EIF3F: variants seen among roughly 807,000 people sequenced by gnomAD.
The protein encoded by EIF3F is deubiquitinating enzyme eIF3f.
EIF3F carries 8 observed loss-of-function variants against 36.0 expected under a neutral mutation model. That is an observed-to-expected ratio of 0.22 (90% confidence interval 0.13 to 0.40). The LOEUF is 0.40. Ranked by LOEUF, EIF3F falls within the 10% of genes least tolerant of loss-of-function variation. EIF3F has a pLI of 1.00. For synonymous variants in EIF3F, 184 were observed against 188.5 expected (o/e 0.98, Z 0.19); for missense variants, 430 against 467.6 (o/e 0.92, Z 0.74).
intron 5 of EIF3F, 176 bp from the exon 6 acceptor site, chr11:7,994,806 G>A: frequency 1.1e-6 from 1 of 935,680 alleles, no homozygotes; most frequent in Non-Finnish European, 1.6e-6. Context: ...TCTATTAGGA[G>A]GAAGAAAAGC....
intron 7 of EIF3F, 167 bp downstream of exon 7, chr11:7,995,534 T>C (rs1942150728): frequency 6.1e-6 from 4 of 652,896 alleles, no homozygotes; most frequent in Middle Eastern, 2.6e-4. Context: ...AGGTGTGTTA[T>C]GCGTGGTTGG....
intron 7 of EIF3F, 77 bp from the exon 8 acceptor site, chr11:7,995,868 A>AT: frequency 1.7e-6 from 2 of 1,188,532 alleles, no homozygotes; most frequent in Non-Finnish European, 2.5e-6. Context: ...AGTGTCTACC[A>AT]TAGAGCTGGC....
intron 4 of EIF3F, among the ~76,000 whole-genome samples, chr11:7,993,249 T>A (rs1459208364): frequency 2.0e-5 from 3 of 152,220 alleles, no homozygotes; most frequent in African/African-American, 7.2e-5. Flanking sequence ...CATTGCCCTT[T>A]TAAGTATTTG....
Position 7,987,606 on chromosome 11 carries a change from C to A in EIF3F, c.254C>A (p.Pro85His). 1 of 1,587,180 alleles carries A rather than the reference C, an allele frequency of 6.3e-7. No individual in the cohort carries two copies. The highest frequency in any genetic ancestry group is 2.3e-5 in the East Asian group (1 of 43,964). ...PALPGPALPG[P>H]FPGGRVVRLH... is the part of the protein sequence containing the mutation. Reference sequence around the variant, plus strand: ...CTGCCTGGTCCTGCTCTTCCAGGGCCCTTCCCCGGCGGCCGCGTGGTCAGG... The same window carrying A: ...CTGCCTGGTCCTGCTCTTCCAGGGCACTTCCCCGGCGGCCGCGTGGTCAGG... The change falls in exon 1 of 8, where the codon CCC becomes CAC. Residue 85 changes from proline (P) to histidine (H), a missense_variant. Physicochemically the swap from Pro to His is moderately conservative, Grantham distance 77. Transcript: ENST00000651655.
rs775771292 is a variant in EIF3F, at chr11:7,996,272, GTGTT to G, written c.*253_*256del. 14 of 392,978 alleles carry G rather than the reference GTGTT, an allele frequency of 3.6e-5. No individual in the cohort carries two copies. Among genetic ancestry groups the G allele is most frequent in the Non-Finnish European group, 6.4e-5 (14 of 217,908 alleles). 24.3% of individuals were successfully genotyped at this position (392,978 alleles called of 1,614,324 possible). On this transcript the variant is annotated 3_prime_UTR_variant, in exon 8 of 8. Transcript: ENST00000651655. ...TATTGTAGGTAGAGAAGTTGGTTAT[GTGTT>G]TGGCATGTTACTGTTTTACCAAACT...
chr11:7,995,305 G>T lies in EIF3F; in HGVS notation c.934G>T (p.Val312Phe). The part of the protein sequence containing the change: ...NTVGRFLMSL[V>F]NQVPKIVPDD... ...TGTGGGCCGCTTCCTGATGAGCCTGGTTAACCAAGTACCGAAAATAGTTCC... is the reference window on the plus strand; with the variant it reads ...TGTGGGCCGCTTCCTGATGAGCCTGTTTAACCAAGTACCGAAAATAGTTCC... Residue 312 changes from valine to phenylalanine, a missense_variant, in exon 7 of 8, where the codon GTT (valine) becomes TTT (phenylalanine). By Grantham distance (50) the Val-to-Phe change is conservative. Coordinates refer to ENST00000651655, the MANE Select transcript of EIF3F (RefSeq NM_003754.3). 6.2e-7 allele frequency: 1 copy of T among 1,614,138 alleles called. No homozygotes were observed. Among genetic ancestry groups the T allele is most frequent in the South Asian group, 1.1e-5 (1 of 91,078 alleles).
chr11:7,992,757 C>A, intron 3 of EIF3F, 130 bp from the exon 4 acceptor site: 1 of 1,170,068 alleles, frequency 8.5e-7, no homozygotes, highest in Non-Finnish European at 1.2e-6. Flanking sequence ...GTGTATTGCT[C>A]TTGGCAGTTG....
intron 1 of EIF3F, among the ~76,000 whole-genome samples, chr11:7,989,993 T>C (rs1942074026): frequency 6.6e-6 from 1 of 152,232 alleles, no homozygotes; most frequent in Non-Finnish European, 1.5e-5. Context: ...CATTTGAAGC[T>C]CTTTGGGGAA....
intron 5 of EIF3F, 39 bp from the exon 6 acceptor site, chr11:7,994,943 C>T (rs1942143805): frequency 1.9e-6 from 3 of 1,607,128 alleles, no homozygotes; most frequent in East Asian, 2.2e-5. Flanking sequence ...TCTTACTGCC[C>T]ACCACTGCCG....
chr11:7,993,545 G>C (rs1942123678), intron 4 of EIF3F, among the ~76,000 whole-genome samples: 1 of 152,202 alleles, frequency 6.6e-6, no homozygotes, highest in African/African-American at 2.4e-5. Context: ...TAAAATGCCA[G>C]TTATGGGGGA....
In EIF3F at chr11:7,999,164, G is replaced by C. The variant is rs562823616; in HGVS notation, c.*3142G>C. 5.9e-5 allele frequency: 9 copies of C among 152,346 alleles called. No individual in the cohort carries two copies. The highest frequency in any genetic ancestry group is 1.9e-4 in the African/African-American group (8 of 41,566). 9.4% of individuals were successfully genotyped at this position (152,346 alleles called of 1,614,324 possible). ...ACGCACCTGTAGTCCCAGCTACTTG[G>C]GAAGCTGAGGCAGGAGAATCTCGAA... On this transcript the variant is annotated 3_prime_UTR_variant, in exon 8 of 8. Coordinates refer to ENST00000651655, the MANE Select transcript of EIF3F (RefSeq NM_003754.3).
intron 5 of EIF3F, 30 bp from the exon 6 acceptor site, chr11:7,994,952 C>T (rs56392532): frequency 0.16 from 255,149 of 1,608,416 alleles, 22,598 homozygotes; most frequent in Middle Eastern, 0.2. Flanking sequence ...CCACCACTGC[C>T]GCTGCCACCC....
At chr11:7,992,714 G>A (rs1942111693) in intron 3 of EIF3F, 173 bp from the exon 4 acceptor site, 5 of 804,100 alleles carry the variant, frequency 6.2e-6, no homozygotes, top group African/African-American at 1.7e-5. Flanking sequence ...CACTAAGTCA[G>A]CCTTTGATTT....
In EIF3F at chr11:8,001,751, C is replaced by T. The variant is rs962233790; in HGVS notation, c.*5729C>T. On this transcript the variant is annotated 3_prime_UTR_variant, in exon 8 of 8. Coordinates refer to ENST00000651655, the MANE Select transcript of EIF3F (RefSeq NM_003754.3). ...GTACTAGATGGGGCACAGGACAGGACGAAAGATTTACTTCTTATTGTTTCT... is the reference window on the plus strand; with the variant it reads ...GTACTAGATGGGGCACAGGACAGGATGAAAGATTTACTTCTTATTGTTTCT... 1.1e-4 allele frequency: 16 copies of T among 151,868 alleles called. No homozygotes were observed. The highest frequency in any genetic ancestry group is 1.9e-4 in the East Asian group (1 of 5,194). 9.4% of individuals were successfully genotyped at this position (151,868 alleles called of 1,614,324 possible).
At position 7,996,813 on chromosome 11, in the gene EIF3F, A is replaced by G; in HGVS notation, c.*791A>G. The G allele has an allele frequency of 6.6e-6, 1 of 152,242 alleles. No homozygotes were observed. Among genetic ancestry groups the G allele is most frequent in the East Asian group, 1.9e-4 (1 of 5,200 alleles). 9.4% of individuals were successfully genotyped at this position (152,242 alleles called of 1,614,324 possible). A position where few individuals can be genotyped will look rare whatever the true frequency, so the allele number is the denominator to read the frequency against. Reference sequence around the variant, plus strand: ...CTCAGGAAATTATACGTTGGAGTGAAAAGGTGAGTGAAGGCAATGGGGAAT... The same window carrying G: ...CTCAGGAAATTATACGTTGGAGTGAGAAGGTGAGTGAAGGCAATGGGGAAT... On this transcript the variant is annotated 3_prime_UTR_variant, in exon 8 of 8. Transcript: ENST00000651655.
At chr11:7,994,122 G>A (rs985820010) in intron 4 of EIF3F, among the ~76,000 whole-genome samples, 2 of 152,158 alleles carry the variant, frequency 1.3e-5, no homozygotes, top group African/African-American at 4.8e-5. Flanking sequence ...TAGACAGCCA[G>A]CTCTACGGGG....
At chr11:7,988,514 A>G (rs762255649) in intron 1 of EIF3F, among the ~76,000 whole-genome samples, 1 of 152,250 alleles carries the variant, frequency 6.6e-6, no homozygotes, top group Non-Finnish European at 1.5e-5. Context: ...TAAAATGGAA[A>G]AGCACTAAAG....
intron 1 of EIF3F, among the ~76,000 whole-genome samples, chr11:7,990,066 G>C (rs1437507367): frequency 6.6e-6 from 1 of 152,220 alleles, no homozygotes; most frequent in Non-Finnish European, 1.5e-5. Flanking sequence ...TGAGTGAGTT[G>C]AGAGATAGGA....
In EIF3F at chr11:7,997,914, G is replaced by T. The variant is rs141778077; in HGVS notation, c.*1892G>T. 5.3e-5 allele frequency: 8 copies of T among 152,252 alleles called. No individual in the cohort carries two copies. Among genetic ancestry groups the T allele is most frequent in the African/African-American group, 1.7e-4 (7 of 41,532 alleles). The allele number at this position is 152,252 out of a possible 1,614,324, so 9.4% of individuals were successfully genotyped here. A position where few individuals can be genotyped will look rare whatever the true frequency, so the allele number is the denominator to read the frequency against. ...TAAACAATACAAAGTATTAGATGGT[G>T]TTTATACTGTATTCGGTATTATAAG... On this transcript the variant is annotated 3_prime_UTR_variant, in exon 8 of 8. Transcript: ENST00000651655.
Sources: allele counts gnomAD v4.1 joint callset (sites outside exome capture counted in the v4.1 genomes callset), GRCh38; gene constraint gnomAD v4.1.1; transcripts MANE v1.5; gene names NCBI Gene and HGNC (gene_info 2026-07-23, HGNC 2026-07-21).